The following ZYG11B variants were observed in gnomAD, a reference collection of about 807,000 sequenced individuals.
ZYG11B encodes zyg-11 family member B, cell cycle regulator.
Under a neutral mutation model 82.4 loss-of-function variants are expected in ZYG11B, and 36 were observed. The observed-to-expected ratio is 0.44, with a 90% CI of 0.33 to 0.58. The LOEUF (loss-of-function observed/expected upper bound fraction) is 0.58, where lower values mean the gene tolerates loss of function less well. Among genes scored for constraint, ZYG11B ranks in the 20% least tolerant of loss-of-function variants. The probability of loss-of-function intolerance (pLI) is 0.02; values close to 1 mark genes in which losing one functional copy is unlikely to be tolerated. For missense variants in ZYG11B, 552 were observed against 895.6 expected (o/e 0.62, Z 4.90); for synonymous variants, 303 against 312.8 (o/e 0.97, Z 0.33).
chr1:52,777,634 G>T (rs1200732396), intron 3 of ZYG11B, among the ~76,000 whole-genome samples: 1 of 151,952 alleles, frequency 6.6e-6, no homozygotes, highest in African/African-American at 2.4e-5. Context: ...TAGAGACAGG[G>T]TCTTACTATG....
At chr1:52,747,053 C>T (rs1644483850) in intron 1 of ZYG11B, among the ~76,000 whole-genome samples, 1 of 151,412 alleles carries the variant, frequency 6.6e-6, no homozygotes, top group African/African-American at 2.4e-5. Flanking sequence ...TTCTGAGTTC[C>T]AGCATCCTCA....
rs999052585 is a variant in ZYG11B, at chr1:52,757,401, C to T, written c.196+778C>T. Among the ~76,000 whole-genome samples the T allele has an allele frequency of 2.6e-5, 4 of 151,806 alleles. No individual in the cohort carries two copies. In the East Asian group the frequency reaches 5.9e-4, roughly 22 times the overall value. On this transcript the variant is annotated intron_variant, in intron 2 of 13. Transcript: ENST00000294353. ...ATAAAATACCTTACATCGGGCCGGG[C>T]GTGGTGGCTCATGCCTGTAATCCCA...
intron 1 of ZYG11B, among the ~76,000 whole-genome samples, chr1:52,755,448 G>A (rs1183138686): frequency 6.6e-6 from 1 of 152,030 alleles, no homozygotes; most frequent in Admixed American, 6.6e-5. Flanking sequence ...TTCCAAGATC[G>A]TTTTGGCTAT....
intron 1 of ZYG11B, among the ~76,000 whole-genome samples, chr1:52,735,111 G>GCC (rs1171301211): frequency 6.7e-6 from 1 of 148,972 alleles, no homozygotes; most frequent in Non-Finnish European, 1.5e-5. Flanking sequence ...GCTCACCGCA[G>GCC]CCTCCGCCTC....
intron 1 of ZYG11B, among the ~76,000 whole-genome samples, chr1:52,743,402 T>TAAAAA (rs71044414): frequency 1.8e-3 from 127 of 69,052 alleles, no homozygotes; most frequent in African/African-American, 5.7e-3. Context: ...CAATAAATAC[T>TAAAAA]AAAAAAAAAA....
chr1:52,781,930 CTTTTT>C (rs536913401), intron 4 of ZYG11B, among the ~76,000 whole-genome samples: 2 of 145,136 alleles, frequency 1.4e-5, no homozygotes, highest in Admixed American at 6.9e-5. Context: ...TATGAATTGT[CTTTTT>C]TTTTTTGTTT....
intron 1 of ZYG11B, among the ~76,000 whole-genome samples, chr1:52,734,077 T>C (rs1200467655): frequency 6.6e-6 from 1 of 152,158 alleles, no homozygotes; most frequent in African/African-American, 2.4e-5. Flanking sequence ...TAGCTCACTA[T>C]AACCATGAAC....
chr1:52,809,316 A>G (rs1170085529), intron 10 of ZYG11B, among the ~76,000 whole-genome samples: 2 of 152,154 alleles, frequency 1.3e-5, no homozygotes, highest in African/African-American at 2.4e-5. Context: ...TAACCATTAA[A>G]CAATACTATT....
intron 6 of ZYG11B, 85 bp downstream of exon 6, chr1:52,790,152 C>A: frequency 1.1e-6 from 1 of 893,314 alleles, no homozygotes; most frequent in Non-Finnish European, 1.7e-6. Flanking sequence ...TTTAGGATAT[C>A]CCTTTTATAA....
At chr1:52,817,746 C>A in intron 13 of ZYG11B, among the ~76,000 whole-genome samples, 1 of 124,728 alleles carries the variant, frequency 8.0e-6, no homozygotes, top group Non-Finnish European at 1.7e-5. Context: ...TACACAGAAC[C>A]ACTTTAATAG....
At chr1:52,799,537 G>T (rs922149415) in intron 8 of ZYG11B, among the ~76,000 whole-genome samples, 1 of 150,572 alleles carries the variant, frequency 6.6e-6, no homozygotes, top group Non-Finnish European at 1.5e-5. Flanking sequence ...AGTGGCCCAC[G>T]CCTGTAATTT....
chr1:52,811,494 C>T (rs1645182449), intron 10 of ZYG11B, among the ~76,000 whole-genome samples: 1 of 152,132 alleles, frequency 6.6e-6, no homozygotes, highest in Admixed American at 6.6e-5. Context: ...TGAATAGAGA[C>T]AGGGTCTCCC....
chr1:52,805,660 C>T lies in ZYG11B; in HGVS notation c.1695+3521C>T, dbSNP rs1645136195. On this transcript the variant is annotated intron_variant, in intron 10 of 13. Transcript: ENST00000294353. ...CAGCCTAGCCAACATGGTGAAACCC[C>T]GTTTCCACTGAAAATACAAAAATTA... is the stretch of plus-strand genomic sequence containing the variant. The T allele has an allele frequency of 1.6e-5, 5 of 305,432 alleles. No homozygotes were observed. The Admixed American group carries it at 2.0e-4, about 12-fold the overall frequency. The allele number at this position is 305,432 out of a possible 1,614,324, so 18.9% of individuals were successfully genotyped here.
At chr1:52,816,832 A>G (rs1360549544) in intron 13 of ZYG11B, among the ~76,000 whole-genome samples, 2 of 119,470 alleles carry the variant, frequency 1.7e-5, no homozygotes, top group Non-Finnish European at 3.2e-5. Context: ...CTTGTTCCCC[A>G]GGCTGGAGTA....
intron 2 of ZYG11B, among the ~76,000 whole-genome samples, chr1:52,766,321 A>G (rs954259325): frequency 1.3e-5 from 2 of 150,942 alleles, no homozygotes; most frequent in East Asian, 3.9e-4. Context: ...GGGTTTCGTC[A>G]TGTTGGTCAG....
intron 1 of ZYG11B, among the ~76,000 whole-genome samples, chr1:52,744,828 G>A (rs536944014): frequency 1.4e-4 from 22 of 152,082 alleles, no homozygotes; most frequent in Non-Finnish European, 2.9e-4. Context: ...CTGGCAGAGC[G>A]AGACTCCATA....
rs1413296629 is a variant in ZYG11B, at chr1:52,803,243, CACACACATAT to C, written c.1695+1106_1695+1115del. On this transcript the variant is annotated intron_variant, in intron 10 of 13. Transcript: ENST00000294353. ...ATATATACACACATATATATATACACACACACATATATATATATATATACACACACACACA... is the reference window on the plus strand; with the variant it reads ...ATATATACACACATATATATATACACATATATATATATACACACACACACA... Among the ~76,000 whole-genome samples the C allele has an allele frequency of 9.1e-4, 47 of 51,822 alleles. 2 individuals are homozygous for C. Among genetic ancestry groups the C allele is most frequent in the African/African-American group, 5.4e-3 (46 of 8,512 alleles). 34.0% of individuals were successfully genotyped at this position (51,822 alleles called of 152,430 possible). A position where few individuals can be genotyped will look rare whatever the true frequency, so the allele number is the denominator to read the frequency against.
chr1:52,743,402 T>TAAAAAAAAAAAA (rs71044414), intron 1 of ZYG11B, among the ~76,000 whole-genome samples: 35 of 69,062 alleles, frequency 5.1e-4, no homozygotes, highest in Admixed American at 1.0e-3. Flanking sequence ...CAATAAATAC[T>TAAAAAAAAAAAA]AAAAAAAAAA....
intron 5 of ZYG11B, 55 bp from the exon 6 acceptor site, chr1:52,789,946 TAA>T: frequency 7.6e-7 from 1 of 1,321,926 alleles, no homozygotes; most frequent in Non-Finnish European, 1.0e-6. Flanking sequence ...CTACCATGGT[TAA>T]AATATAACAA....
Sources: gnomAD v4.1 joint callset for allele counts (sites outside exome capture counted in the v4.1 genomes callset) on GRCh38, gnomAD v4.1.1 for gene constraint, MANE v1.5 for transcripts, NCBI Gene and HGNC (gene_info 2026-07-23, HGNC 2026-07-21) for gene names.